The following TSC22D1 variants were observed in gnomAD, a reference collection of about 807,000 sequenced individuals.
The protein encoded by TSC22D1 is TSC22 domain family member 1, also known as TSC22 domain family protein 1.
TSC22D1 carries 9 observed loss-of-function variants against 74.2 expected under a neutral mutation model. The ratio of observed to expected loss-of-function variants is 0.12; its 90% confidence interval spans 0.07 to 0.21. The LOEUF (loss-of-function observed/expected upper bound fraction) is 0.21. Among genes scored for constraint, TSC22D1 ranks in the 10% least tolerant of loss-of-function variants. The probability of loss-of-function intolerance (pLI) is 1.00; values close to 1 mark genes in which losing one functional copy is unlikely to be tolerated. For synonymous variants in TSC22D1, 586 were observed against 492.5 expected, an observed-to-expected ratio of 1.19 and a Z score of -2.51; for missense variants, 1,427 against 1,304.7, an observed-to-expected ratio of 1.09 and a Z score of -1.44.
chr13:44,474,270 G>A, intron 1 of TSC22D1: 1 of 985,400 alleles, frequency 1.0e-6, no homozygotes. Flanking sequence ...GACTATGGTG[G>A]CTTTCTTGGG....
intron 1 of TSC22D1, among the ~76,000 whole-genome samples, chr13:44,444,194 G>C (rs1048512243): frequency 7.2e-6 from 1 of 139,130 alleles, no homozygotes; most frequent in Non-Finnish European, 1.5e-5. Flanking sequence ...CAGGAGAATC[G>C]CTTGAACCTG....
At chr13:44,508,704 C>T (rs901132940) in intron 1 of TSC22D1, among the ~76,000 whole-genome samples, 1 of 152,164 alleles carries the variant, frequency 6.6e-6, no homozygotes, top group East Asian at 1.9e-4. Flanking sequence ...GGCCCTACAG[C>T]ATCTGGCCCC....
At chr13:44,440,353 C>T (rs907676256) in intron 1 of TSC22D1, among the ~76,000 whole-genome samples, 2 of 151,912 alleles carry the variant, frequency 1.3e-5, no homozygotes, top group African/African-American at 2.4e-5. Flanking sequence ...GTGAGATGGG[C>T]GGATCACTTG....
At chr13:44,538,330 A>G in intron 1 of TSC22D1, 2 of 985,382 alleles carry the variant, frequency 2.0e-6, no homozygotes, top group Non-Finnish European at 2.4e-6. Flanking sequence ...AGCGAAGATG[A>G]GCTAAAAGAG....
chr13:44,448,892 C>CAT (rs138708442), intron 1 of TSC22D1, among the ~76,000 whole-genome samples: 3 of 150,188 alleles, frequency 2.0e-5, no homozygotes, highest in East Asian at 3.9e-4. Flanking sequence ...ATTCTAGATC[C>CAT]GTGTGTGTGT....
chr13:44,455,679 C>G (rs1003570251), intron 1 of TSC22D1, among the ~76,000 whole-genome samples: 6 of 152,048 alleles, frequency 3.9e-5, no homozygotes, highest in Admixed American at 3.9e-4. Flanking sequence ...TTTTTTGAGT[C>G]TTGCTTTGGA....
At chr13:44,435,046 T>A (rs1000189789) in intron 2 of TSC22D1, 163 bp from the exon 3 acceptor site, 15 of 644,250 alleles carry the variant, frequency 2.3e-5, no homozygotes, top group Admixed American at 5.5e-5. Flanking sequence ...AACATGACTG[T>A]ACAATACTTG....
intron 1 of TSC22D1, among the ~76,000 whole-genome samples, chr13:44,449,883 T>C (rs1875982018): frequency 6.6e-6 from 1 of 152,212 alleles, no homozygotes. Flanking sequence ...TTTGATTTAC[T>C]CGCATTTATT....
chr13:44,537,101 ATTT>A, intron 1 of TSC22D1: 2 of 921,024 alleles, frequency 2.2e-6, no homozygotes, highest in Non-Finnish European at 2.6e-6. Context: ...CAGTAAGTGC[ATTT>A]TTTTCATGGA....
chr13:44,508,939 G>C (rs1186987788), intron 1 of TSC22D1, among the ~76,000 whole-genome samples: 1 of 152,094 alleles, frequency 6.6e-6, no homozygotes, highest in Non-Finnish European at 1.5e-5. Context: ...TATATAAAAA[G>C]CACATGAGGC....
At chr13:44,522,977 G>T (rs1880385158) in intron 1 of TSC22D1, among the ~76,000 whole-genome samples, 1 of 142,498 alleles carries the variant, frequency 7.0e-6, no homozygotes. Context: ...ACACAATAAA[G>T]AAAAAATCTT....
chr13:44,576,190 C>G lies in TSC22D1; in HGVS notation c.-116G>C. 1 of 1,350,320 alleles carries G rather than the reference C, an allele frequency of 7.4e-7. No homozygotes were observed. Among genetic ancestry groups the G allele is most frequent in the Non-Finnish European group, 9.8e-7 (1 of 1,025,606 alleles). The allele number at this position is 1,350,320 out of a possible 1,614,324, so 83.6% of individuals were successfully genotyped here. ...ACCTGACGCTCCGCCTGGCGCGATTCCTCCTTCTCCTCCTCCTCAGCCAAA... is the reference window on the plus strand; with the variant it reads ...ACCTGACGCTCCGCCTGGCGCGATTGCTCCTTCTCCTCCTCCTCAGCCAAA... On this transcript the variant is annotated 5_prime_UTR_variant, in exon 1 of 3. Transcript: ENST00000458659.
chr13:44,504,001 A>G (rs1416472211), intron 1 of TSC22D1, among the ~76,000 whole-genome samples: 1 of 152,168 alleles, frequency 6.6e-6, no homozygotes, highest in Non-Finnish European at 1.5e-5. Context: ...ATGCAAGACT[A>G]TATAGCTGGA....
intron 1 of TSC22D1, among the ~76,000 whole-genome samples, chr13:44,442,931 A>G (rs1333633256): frequency 2.0e-5 from 3 of 149,714 alleles, no homozygotes; most frequent in Non-Finnish European, 4.4e-5. Context: ...AAAAAAAAAA[A>G]GAATGAAAAA....
chr13:44,526,876 C>G (rs529731864), intron 1 of TSC22D1, among the ~76,000 whole-genome samples: 1 of 152,210 alleles, frequency 6.6e-6, no homozygotes, highest in Admixed American at 6.5e-5. Context: ...CAAAAATCTA[C>G]ACTTAGGCAT....
At chr13:44,522,562 T>C (rs184470396) in intron 1 of TSC22D1, among the ~76,000 whole-genome samples, 37 of 152,312 alleles carry the variant, frequency 2.4e-4, no homozygotes, top group African/African-American at 8.7e-4. Context: ...GTAAATCTGA[T>C]CTTTGGCAAA....
At chr13:44,490,969 A>G (rs1462296980) in intron 1 of TSC22D1, among the ~76,000 whole-genome samples, 1 of 151,088 alleles carries the variant, frequency 6.6e-6, no homozygotes, top group Non-Finnish European at 1.5e-5. Flanking sequence ...TATATTCATA[A>G]ATTTGACTAC....
At chr13:44,464,315 T>A (rs749156845) in intron 1 of TSC22D1, among the ~76,000 whole-genome samples, 5 of 152,202 alleles carry the variant, frequency 3.3e-5, no homozygotes, top group African/African-American at 7.2e-5. Flanking sequence ...TCCATTTTTT[T>A]AAAAGCGTAA....
intron 1 of TSC22D1, among the ~76,000 whole-genome samples, chr13:44,522,050 T>C (rs1310619072): frequency 6.6e-6 from 1 of 152,148 alleles, no homozygotes; most frequent in African/African-American, 2.4e-5. Flanking sequence ...GGCAAAATAG[T>C]AGTAAAGAAT....
Sources: gnomAD v4.1 joint callset for allele counts (sites outside exome capture counted in the v4.1 genomes callset) on GRCh38, gnomAD v4.1.1 for gene constraint, MANE v1.5 for transcripts, NCBI Gene and HGNC (gene_info 2026-07-23, HGNC 2026-07-21) for gene names.